C19orf47: variants seen among roughly 807,000 people sequenced by gnomAD.
C19orf47 encodes the protein chromosome 19 open reading frame 47.
In C19orf47, 18 loss-of-function variants were observed where a neutral mutation model predicts 32.3. That is an observed-to-expected ratio of 0.56 (90% confidence interval 0.39 to 0.83). C19orf47 has a LOEUF of 0.83. C19orf47 is among the 40% of genes least tolerant of loss of function. The pLI is 0.00. For missense variants in C19orf47, 484 were observed against 531.6 expected, an observed-to-expected ratio of 0.91 and a Z score of 0.88; for synonymous variants, 202 against 211.1, an observed-to-expected ratio of 0.96 and a Z score of 0.37.
intron 8 of C19orf47, among the ~76,000 whole-genome samples, chr19:40,323,019 T>A (rs771859566): frequency 6.6e-6 from 1 of 152,186 alleles, no homozygotes; most frequent in East Asian, 1.9e-4. Context: ...CCCTCCAAGA[T>A]GAATTAGCAA....
intron 1 of C19orf47, chr19:40,342,242 T>G: frequency 3.7e-6 from 1 of 270,804 alleles, no homozygotes; most frequent in African/African-American, 2.3e-5. Context: ...TCCCAGGACT[T>G]TGGGAGGCCA....
chr19:40,297,694 C>T, the C19orf47 span, among the ~76,000 whole-genome samples: 20 of 111,490 alleles, frequency 1.8e-4, no homozygotes, highest in African/African-American at 6.4e-4. Context: ...AGCGAGACTC[C>T]GTCTCGGAAA....
chr19:40,298,386 C>G, the C19orf47 span, among the ~76,000 whole-genome samples: 1 of 151,896 alleles, frequency 6.6e-6, no homozygotes, highest in Non-Finnish European at 1.5e-5. Context: ...ATAACAACAC[C>G]CTTGGATGGC....
In C19orf47 at chr19:40,322,150, A is replaced by G. The variant is rs773570067; in HGVS notation, c.890T>C (p.Leu297Pro). Residue 297 changes from leucine to proline, a missense_variant, in exon 9 of 9, where the codon CTT (leucine) becomes CCT (proline). By Grantham distance (98) the Leu-to-Pro change is moderately conservative. Coordinates refer to ENST00000683109, the MANE Select transcript of C19orf47 (RefSeq NM_001256441.2). ...AAAPTLRRLA[L>P]SSRSGLERKP... ...CCTCTCAAGCCCAGACCGTGAGGAA[A>G]GCGCCAGGCGCCGCAGTGTCGGGGC... 6.2e-7 allele frequency: 1 copy of G among 1,613,818 alleles called. No homozygotes were observed. The highest frequency in any genetic ancestry group is 8.5e-7 in the Non-Finnish European group (1 of 1,179,978).
At chr19:40,300,533 G>A in the C19orf47 span, among the ~76,000 whole-genome samples, 1 of 152,002 alleles carries the variant, frequency 6.6e-6, no homozygotes, top group Non-Finnish European at 1.5e-5. Flanking sequence ...GAGATTCCTA[G>A]AAATCTAATG....
At chr19:40,298,419 T>A in the C19orf47 span, among the ~76,000 whole-genome samples, 3 of 152,102 alleles carry the variant, frequency 2.0e-5, no homozygotes, top group Non-Finnish European at 4.4e-5. Context: ...AATATCCAGG[T>A]CATTTCCAAA....
rs2077720945 is a variant in C19orf47 at position 40,321,715 on chromosome 19, T to C, written c.*167A>G. On this transcript the variant is annotated 3_prime_UTR_variant, in exon 9 of 9. Coordinates refer to ENST00000683109, the MANE Select transcript of C19orf47 (RefSeq NM_001256441.2). ...GCCAGCTGCGACGACCATCCCAGGC[T>C]AGGAGAAATGGGGTGATCCCCCGAA... 1 of 1,424,936 alleles carries C rather than the reference T, an allele frequency of 7.0e-7. No homozygotes were observed. The highest frequency in any genetic ancestry group is 2.5e-5 in the East Asian group (1 of 39,246). 88.3% of individuals were successfully genotyped at this position (1,424,936 alleles called of 1,614,324 possible).
At chr19:40,313,862 G>A in the C19orf47 span, among the ~76,000 whole-genome samples, 1 of 151,880 alleles carries the variant, frequency 6.6e-6, no homozygotes, top group Non-Finnish European at 1.5e-5. Context: ...CAGCTACTCG[G>A]GAGGCAGAGG....
chr19:40,331,194 C>T (rs2077945345), intron 5 of C19orf47, among the ~76,000 whole-genome samples: 1 of 152,214 alleles, frequency 6.6e-6, no homozygotes, highest in African/African-American at 2.4e-5. Context: ...AAATGTTGTG[C>T]AAGCAGTGGC....
intron 2 of C19orf47, among the ~76,000 whole-genome samples, chr19:40,341,599 C>T (rs2078178580): frequency 1.3e-5 from 2 of 152,162 alleles, no homozygotes; most frequent in Admixed American, 6.5e-5. Flanking sequence ...ACGTGGGAGA[C>T]CTGCTGGACT....
At position 40,322,134 on chromosome 19, in the gene C19orf47, C is replaced by T; in HGVS notation, c.906G>A (p.Gly302=). The change falls in exon 9 of 9, where the codon GGG becomes GGA. Residue 302 remains glycine, a synonymous_variant. Transcript: ENST00000683109. The part of the protein sequence containing the change: ...LRRLALSSRS[G]LERKPESLSK... Reference sequence around the variant, plus strand: ...ACAAGGACTCCGGCTTCCTCTCAAGCCCAGACCGTGAGGAAAGCGCCAGGC... The same window carrying T: ...ACAAGGACTCCGGCTTCCTCTCAAGTCCAGACCGTGAGGAAAGCGCCAGGC... 1 of 1,614,038 alleles carries T rather than the reference C, an allele frequency of 6.2e-7. No individual in the cohort carries two copies. The highest frequency in any genetic ancestry group is 1.3e-5 in the African/African-American group (1 of 75,072).
chr19:40,305,561 C>T, the C19orf47 span, among the ~76,000 whole-genome samples: 1 of 152,162 alleles, frequency 6.6e-6, no homozygotes, highest in African/African-American at 2.4e-5. Context: ...GTCTTGCAGG[C>T]ATCAAGTCTT....
the C19orf47 span, among the ~76,000 whole-genome samples, chr19:40,295,401 C>T: frequency 6.6e-6 from 1 of 151,570 alleles, no homozygotes; most frequent in South Asian, 2.1e-4. Flanking sequence ...GTCTTAGAGA[C>T]TCCTCTAACA....
At chr19:40,331,835 G>A (rs924897424) in intron 5 of C19orf47, among the ~76,000 whole-genome samples, 14 of 151,976 alleles carry the variant, frequency 9.2e-5, no homozygotes, top group Non-Finnish European at 1.5e-4. Context: ...TCAGGAGCTC[G>A]AGACCAGCCT....
the C19orf47 span, among the ~76,000 whole-genome samples, chr19:40,301,688 T>C: frequency 6.7e-6 from 1 of 150,368 alleles, no homozygotes; most frequent in East Asian, 2.0e-4. Flanking sequence ...CTACTGAAAA[T>C]ACAAAAATTT....
At chr19:40,310,965 C>T in the C19orf47 span, among the ~76,000 whole-genome samples, 1 of 152,140 alleles carries the variant, frequency 6.6e-6, no homozygotes, top group Non-Finnish European at 1.5e-5. Context: ...ACACCAGGCG[C>T]AGTGGCTCAC....
the C19orf47 span, among the ~76,000 whole-genome samples, chr19:40,309,670 C>A: frequency 6.9e-6 from 1 of 145,880 alleles, no homozygotes; most frequent in East Asian, 2.0e-4. Flanking sequence ...TCCTGGGTGG[C>A]AGAGCGACCT....
chr19:40,294,241 C>T, the C19orf47 span, among the ~76,000 whole-genome samples: 1 of 152,178 alleles, frequency 6.6e-6, no homozygotes, highest in African/African-American at 2.4e-5. Flanking sequence ...ACATGCCTGA[C>T]CAAACACTGG....
intron 4 of C19orf47, among the ~76,000 whole-genome samples, chr19:40,334,347 G>A (rs766815105): frequency 7.2e-5 from 11 of 152,182 alleles, no homozygotes; most frequent in Admixed American, 7.2e-4. Context: ...TTATTCAGGG[G>A]CTGAGGTGGT....
Sources: gnomAD v4.1 joint callset for allele counts (sites outside exome capture counted in the v4.1 genomes callset) on GRCh38, gnomAD v4.1.1 for gene constraint, MANE v1.5 for transcripts, NCBI Gene and HGNC (gene_info 2026-07-23, HGNC 2026-07-21) for gene names.